SULF1: variants seen among roughly 807,000 people sequenced by gnomAD.
The protein encoded by SULF1 is extracellular sulfatase Sulf-1.
In SULF1, 46 loss-of-function variants were observed where a neutral mutation model predicts 110.5. That is an observed-to-expected ratio of 0.42 (90% confidence interval 0.33 to 0.53). The LOEUF is 0.53. Among genes scored for constraint, SULF1 ranks in the 20% least tolerant of loss-of-function variants. SULF1 has a pLI of 0.12. For synonymous variants in SULF1, 371 were observed against 387.1 expected (o/e 0.96, Z 0.49); for missense variants, 941 against 1,094.2 (o/e 0.86, Z 1.98).
rs150783812 is a variant in SULF1 at position 69,572,858 on chromosome 8, C to T, written c.173-3112C>T. The stretch of plus-strand genomic sequence containing the variant: ...GTTTTGTTTTTATGAGACAGAGTCT[C>T]GCTTTGTCCCCCAGGCTGAAGTGCA... On this transcript the variant is annotated intron_variant, in intron 5 of 22. Transcript: ENST00000402687. Among the ~76,000 whole-genome samples, 44 of 152,284 alleles carry T rather than the reference C, an allele frequency of 2.9e-4. 1 individual carries two copies. The East Asian group carries it at 7.9e-3, about 27-fold the overall frequency.
intron 7 of SULF1, among the ~76,000 whole-genome samples, chr8:69,588,451 G>C (rs1012877350): frequency 1.3e-5 from 2 of 152,048 alleles, no homozygotes; most frequent in African/African-American, 4.8e-5. Context: ...TGGATTTTTC[G>C]TTTGAAGAAA....
Position 69,627,875 on chromosome 8 carries a change from G to A in SULF1, c.2042+9G>A. Reference sequence around the variant, plus strand: ...AGCTGCAGTAAACAAAGGTGAGCTTGTTTCCATCCATGCTCCACTTTCCAA... The same window carrying A: ...AGCTGCAGTAAACAAAGGTGAGCTTATTTCCATCCATGCTCCACTTTCCAA... On this transcript the variant is annotated intron_variant, in intron 17 of 22. Transcript: ENST00000402687. 1 of 1,604,800 alleles carries A rather than the reference G, an allele frequency of 6.2e-7. No individual in the cohort carries two copies. The highest frequency in any genetic ancestry group is 8.5e-7 in the Non-Finnish European group (1 of 1,173,590).
At chr8:69,584,731 A>G (rs114442469) in intron 6 of SULF1, among the ~76,000 whole-genome samples, 3,770 of 152,320 alleles carry the variant, frequency 0.025, 142 homozygotes, top group African/African-American at 0.084. Context: ...TGAATAACTC[A>G]TAGGATTGAT....
At chr8:69,606,393 G>T (rs551410259) in intron 13 of SULF1, among the ~76,000 whole-genome samples, 51 of 152,266 alleles carry the variant, frequency 3.3e-4, no homozygotes, top group Non-Finnish European at 1.3e-4. Flanking sequence ...ATATTATTAT[G>T]AATAAAACCT....
chr8:69,511,212 A>T (rs897246661), intron 3 of SULF1, among the ~76,000 whole-genome samples: 1 of 152,232 alleles, frequency 6.6e-6, no homozygotes, highest in Non-Finnish European at 1.5e-5. Flanking sequence ...GGAATATATT[A>T]TCAGCATCTG....
At chr8:69,489,514 A>G, upstream of SULF1, among the ~76,000 whole-genome samples, 1 of 151,896 alleles carries the variant, frequency 6.6e-6, no homozygotes, top group Non-Finnish European at 1.5e-5. Flanking sequence ...TAAAAAAAAA[A>G]AATAAGTCTA....
intron 8 of SULF1, among the ~76,000 whole-genome samples, chr8:69,589,897 T>C (rs919293564): frequency 2.0e-5 from 3 of 152,176 alleles, no homozygotes; most frequent in African/African-American, 7.2e-5. Flanking sequence ...TATCCAGTCT[T>C]CCACACAGAG....
chr8:69,634,820 T>C (rs1810854067), intron 19 of SULF1, among the ~76,000 whole-genome samples: 4 of 151,964 alleles, frequency 2.6e-5, no homozygotes, highest in Non-Finnish European at 4.4e-5. Flanking sequence ...AATTTTTTTC[T>C]TTTTGAGATG....
chr8:69,627,828 G>A lies in SULF1; in HGVS notation c.2004G>A (p.Lys668=), dbSNP rs1246184341. 5 of 1,613,498 alleles carry A rather than the reference G, an allele frequency of 3.1e-6. No homozygotes were observed. Among genetic ancestry groups the A allele is most frequent in the African/African-American group, 1.3e-5 (1 of 74,928 alleles). Residue 668 remains lysine (K), a synonymous_variant, in exon 17 of 23, where the codon AAG becomes AAA. Transcript: ENST00000402687. ...KNLREVRGHL[K]RRKPEECSCS... ...TAAGAGAAGTGAGAGGACATCTGAA[G>A]AGAAGGAAGCCTGAGGAATGTAGCT...
At chr8:69,491,887 AAG>A (rs1264719054), upstream of SULF1, among the ~76,000 whole-genome samples, 1 of 152,164 alleles carries the variant, frequency 6.6e-6, no homozygotes, top group African/African-American at 2.4e-5. Flanking sequence ...ACACGGAGAA[AAG>A]AGGGGAAATT....
At chr8:69,652,300 A>C (rs545311389) in intron 22 of SULF1, among the ~76,000 whole-genome samples, 29 of 152,200 alleles carry the variant, frequency 1.9e-4, no homozygotes, top group African/African-American at 7.0e-4. Context: ...GAACTTGTCC[A>C]TAGTTTCCAG....
Position 69,629,044 on chromosome 8 carries a change from G to GT in SULF1, c.2109-454dup, listed in dbSNP as rs1380800188. 2.6e-5 allele frequency among the ~76,000 whole-genome samples: 4 copies of GT among 152,212 alleles called. No individual in the cohort carries two copies. The East Asian group carries it at 5.8e-4, about 22-fold the overall frequency. ...TTGCATTCAGTGTTCCTTTTTTGTT[G>GT]TTTTTTCGAGACAGAGTCTCACTCT... On this transcript the variant is annotated intron_variant, in intron 18 of 22. Transcript: ENST00000402687.
chr8:69,473,556 G>A (rs1193728416), intron 1 of SULF1, among the ~76,000 whole-genome samples: 1 of 152,144 alleles, frequency 6.6e-6, no homozygotes, highest in African/African-American at 2.4e-5. Context: ...ACATTCTAAA[G>A]CTGGATGGAC....
intron 3 of SULF1, among the ~76,000 whole-genome samples, chr8:69,553,465 G>A (rs1023187810): frequency 2.0e-5 from 3 of 152,184 alleles, no homozygotes; most frequent in Non-Finnish European, 4.4e-5. Context: ...GTAAACTTTA[G>A]GAGCCCTGGT....
At chr8:69,586,590 C>A in intron 7 of SULF1, 82 bp downstream of exon 7, 1 of 1,417,808 alleles carries the variant, frequency 7.1e-7, no homozygotes, top group Non-Finnish European at 9.6e-7. Flanking sequence ...TTAAACTATC[C>A]ACAAGATTGG....
chr8:69,504,936 A>C (rs1381455369), intron 3 of SULF1, among the ~76,000 whole-genome samples: 1 of 152,198 alleles, frequency 6.6e-6, no homozygotes, highest in African/African-American at 2.4e-5. Flanking sequence ...TTAGAGTTTC[A>C]AAATGCTGCC....
At chr8:69,505,833 G>T (rs1033402626) in intron 3 of SULF1, among the ~76,000 whole-genome samples, 2 of 151,470 alleles carry the variant, frequency 1.3e-5, no homozygotes, top group East Asian at 3.9e-4. Context: ...TTATTACACA[G>T]AATATCAACT....
chr8:69,630,876 G>C (rs1810469685), intron 19 of SULF1, among the ~76,000 whole-genome samples: 1 of 152,066 alleles, frequency 6.6e-6, no homozygotes, highest in African/African-American at 2.4e-5. Context: ...GTGCAGGTTT[G>C]TTACGTATGT....
chr8:69,478,404 C>A (rs925571548), intron 1 of SULF1, among the ~76,000 whole-genome samples: 4 of 152,120 alleles, frequency 2.6e-5, no homozygotes, highest in Non-Finnish European at 4.4e-5. Flanking sequence ...CAATTAAGAA[C>A]CTCCATGATC....
Sources: gnomAD v4.1 joint callset for allele counts (sites outside exome capture counted in the v4.1 genomes callset) on GRCh38, gnomAD v4.1.1 for gene constraint, MANE v1.5 for transcripts, NCBI Gene and HGNC (gene_info 2026-07-23, HGNC 2026-07-21) for gene names.